ASTN2: variants seen among roughly 807,000 people sequenced by gnomAD.
ASTN2 encodes astrotactin-2.
In ASTN2, 54 loss-of-function variants were observed where a neutral mutation model predicts 139.8. The observed-to-expected ratio is 0.39, with a 90% CI of 0.31 to 0.48. ASTN2 has a LOEUF of 0.48. Among genes scored for constraint, ASTN2 ranks in the 20% least tolerant of loss-of-function variants. The pLI, the probability that ASTN2 is intolerant of heterozygous loss-of-function variation, is 0.95. For synonymous variants in ASTN2, 756 were observed against 719.5 expected (o/e 1.05, Z -0.81); for missense variants, 1,565 against 1,725.1 (o/e 0.91, Z 1.64).
rs1207797942 is a variant in ASTN2, at chr9:117,268,332, T to A, written c.630+22994A>T. On this transcript the variant is annotated intron_variant, in intron 2 of 22. Transcript: ENST00000313400. The stretch of plus-strand genomic sequence containing the variant: ...GGAAAATAAGAGGGTATGGGATAAA[T>A]CCCTGACCCCAGGGACTTACCAGCA... Among the ~76,000 whole-genome samples the A allele has an allele frequency of 3.9e-5, 6 of 152,114 alleles. No individual in the cohort carries two copies. In the South Asian group the frequency reaches 1.2e-3, roughly 32 times the overall value.
intron 2 of ASTN2, among the ~76,000 whole-genome samples, chr9:117,265,780 C>G (rs1332399738): frequency 6.7e-6 from 1 of 148,264 alleles, no homozygotes; most frequent in African/African-American, 2.5e-5. Flanking sequence ...AATGGTTCCT[C>G]AGAATCAGAA....
At chr9:116,584,116 A>C (rs1854057744) in intron 19 of ASTN2, 2 of 150,844 alleles carry the variant, frequency 1.3e-5, no homozygotes, top group Admixed American at 1.3e-4. Context: ...GAGGTAACCC[A>C]GTTGCTGAGA....
At chr9:117,051,684 A>G (rs918522954) in intron 5 of ASTN2, among the ~76,000 whole-genome samples, 15 of 152,234 alleles carry the variant, frequency 9.9e-5, no homozygotes, top group Middle Eastern at 3.4e-3. Context: ...TGACTCTCAC[A>G]TGAGGAAAAT....
intron 10 of ASTN2, among the ~76,000 whole-genome samples, chr9:116,961,492 T>C (rs1177924088): frequency 6.6e-6 from 1 of 152,206 alleles, no homozygotes; most frequent in Non-Finnish European, 1.5e-5. Context: ...GTGCCTGGCT[T>C]ATTTCCCTTA....
intron 17 of ASTN2, among the ~76,000 whole-genome samples, chr9:116,638,975 G>GT (rs1857203509): frequency 6.6e-6 from 1 of 152,236 alleles, no homozygotes; most frequent in Non-Finnish European, 1.5e-5. Flanking sequence ...ATTATCTCAT[G>GT]TTTGAGATGT....
chr9:116,891,673 A>G, intron 10 of ASTN2, among the ~76,000 whole-genome samples: 1 of 152,230 alleles, frequency 6.6e-6, no homozygotes, highest in Middle Eastern at 3.2e-3. Context: ...TTTGGCCTCT[A>G]GTCCACGAAG....
intron 10 of ASTN2, among the ~76,000 whole-genome samples, chr9:116,877,515 T>G (rs1430240498): frequency 1.3e-5 from 2 of 152,224 alleles, no homozygotes; most frequent in Non-Finnish European, 2.9e-5. Flanking sequence ...AATTTATAAT[T>G]ACAAACTGTG....
chr9:117,036,535 C>A (rs1341165407), intron 6 of ASTN2, among the ~76,000 whole-genome samples: 1 of 152,094 alleles, frequency 6.6e-6, no homozygotes, highest in African/African-American at 2.4e-5. Flanking sequence ...CAATCCAGAA[C>A]CTACACTCCA....
rs538198936 is a variant in ASTN2, at chr9:117,062,136, A to G, written c.1277-22171T>C. ...ACAACGAGGGGCATGACTTTATTTG[A>G]GGGGCCAACTCCAGCAGGATTGGCC... On this transcript the variant is annotated intron_variant, in intron 5 of 22. Transcript: ENST00000313400. Among the ~76,000 whole-genome samples, 134 of 152,262 alleles carry G rather than the reference A, an allele frequency of 8.8e-4. 1 individual carries two copies. The highest frequency in any genetic ancestry group is 3.1e-3 in the African/African-American group (128 of 41,560).
At chr9:116,922,938 T>C (rs146796026) in intron 10 of ASTN2, among the ~76,000 whole-genome samples, 2,585 of 152,270 alleles carry the variant, frequency 0.017, 31 homozygotes, top group South Asian at 0.062. Context: ...TCACAGGACA[T>C]GAAGATTGGA....
At chr9:116,501,143 C>T (rs1189616647) in intron 19 of ASTN2, among the ~76,000 whole-genome samples, 4 of 152,122 alleles carry the variant, frequency 2.6e-5, no homozygotes, top group Admixed American at 2.0e-4. Flanking sequence ...GAGAAGAACC[C>T]AAGCTCCAAA....
intron 19 of ASTN2, among the ~76,000 whole-genome samples, chr9:116,576,571 C>T (rs1165742299): frequency 6.6e-6 from 1 of 152,114 alleles, no homozygotes; most frequent in Non-Finnish European, 1.5e-5. Flanking sequence ...GGATGCTAGG[C>T]CGGGACAGGA....
intron 11 of ASTN2, among the ~76,000 whole-genome samples, chr9:116,843,101 A>C (rs1354855042): frequency 2.6e-5 from 4 of 152,156 alleles, no homozygotes; most frequent in Non-Finnish European, 5.9e-5. Flanking sequence ...ATACATCCAA[A>C]AGAAAATAAA....
chr9:117,187,389 A>G (rs560008960), intron 3 of ASTN2, among the ~76,000 whole-genome samples: 73 of 152,178 alleles, frequency 4.8e-4, no homozygotes, highest in Non-Finnish European at 7.6e-4. Context: ...ATGCTAAAAA[A>G]TAATGATGTG....
intron 17 of ASTN2, among the ~76,000 whole-genome samples, chr9:116,642,579 AT>A (rs1857396722): frequency 6.6e-6 from 1 of 152,142 alleles, no homozygotes; most frequent in Non-Finnish European, 1.5e-5. Flanking sequence ...TTAGTTTAGT[AT>A]TCTACAACAT....
At chr9:116,836,802 G>A (rs758772048) in intron 11 of ASTN2, among the ~76,000 whole-genome samples, 2 of 151,868 alleles carry the variant, frequency 1.3e-5, no homozygotes, top group African/African-American at 2.4e-5. Context: ...CAGGGTTTTT[G>A]GTTGTATTTA....
chr9:116,938,609 C>T (rs965774922), intron 10 of ASTN2, among the ~76,000 whole-genome samples: 4 of 152,300 alleles, frequency 2.6e-5, no homozygotes, highest in Admixed American at 2.6e-4. Flanking sequence ...TCCAATTGCT[C>T]CCCACTCAGC....
At chr9:116,498,747 A>G (rs1449919487) in intron 19 of ASTN2, among the ~76,000 whole-genome samples, 2 of 152,240 alleles carry the variant, frequency 1.3e-5, no homozygotes, top group Non-Finnish European at 2.9e-5. Flanking sequence ...AGGTAAGGTA[A>G]TAAAAATGCC....
At chr9:117,054,185 G>T (rs1316204172) in intron 5 of ASTN2, among the ~76,000 whole-genome samples, 1 of 152,134 alleles carries the variant, frequency 6.6e-6, no homozygotes, top group Admixed American at 6.5e-5. Context: ...AAGAACAATG[G>T]CAGTCTTAGC....
Sources: allele counts gnomAD v4.1 joint callset (sites outside exome capture counted in the v4.1 genomes callset), GRCh38; gene constraint gnomAD v4.1.1; transcripts MANE v1.5; gene names NCBI Gene and HGNC (gene_info 2026-07-23, HGNC 2026-07-21).